Variants in DNAH10 observed in about 807,000 individuals in gnomAD.
DNAH10 encodes the protein axonemal beta dynein heavy chain 10.
In DNAH10, 348 loss-of-function variants were observed where a neutral mutation model predicts 506.6. The ratio of observed to expected loss-of-function variants is 0.69; its 90% CI spans 0.63 to 0.75. The LOEUF (loss-of-function observed/expected upper bound fraction) is 0.75, where lower values mean the gene tolerates loss of function less well. Among genes scored for constraint, DNAH10 ranks in the 30% least tolerant of loss-of-function variants. The pLI is 0.00. For missense variants in DNAH10, 5,179 were observed against 5,787.1 expected, an observed-to-expected ratio of 0.89 and a Z score of 3.41; for synonymous variants, 2,059 against 2,198.6, an observed-to-expected ratio of 0.94 and a Z score of 1.78.
Position 123,796,220 on chromosome 12 carries a change from C to G in DNAH10, c.1987-436C>G, listed in dbSNP as rs189198840. ...GCCTGTCCTCGCAGCACTTTGGGACCCTGAGGTGGGCAGATCACCTGAGGT... is the reference window on the plus strand; with the variant it reads ...GCCTGTCCTCGCAGCACTTTGGGACGCTGAGGTGGGCAGATCACCTGAGGT... On this transcript the variant is annotated intron_variant, in intron 12 of 78. Transcript: ENST00000673944. Among the ~76,000 whole-genome samples the G allele has an allele frequency of 2.0e-5, 3 of 152,066 alleles. No homozygotes were observed. In the East Asian group the frequency reaches 5.8e-4, roughly 29 times the overall value.
At position 123,913,054 on chromosome 12, in the gene DNAH10, C is replaced by T; in HGVS notation, c.10135-44C>T. On this transcript the variant is annotated intron_variant, in intron 59 of 78. Coordinates refer to ENST00000673944, the MANE Select transcript of DNAH10 (RefSeq NM_001372106.1). This position sits in a 1 kb window ranked among gnomAD's most constrained non-coding sequence, Gnocchi z 5.1. ...TTGAGGCCATGGGATCGCGGCCCCACCACGGTCCTTTTCCCCATCTTTTTG... is the reference window on the plus strand; with the variant it reads ...TTGAGGCCATGGGATCGCGGCCCCATCACGGTCCTTTTCCCCATCTTTTTG... 9 of 1,557,404 alleles carry T rather than the reference C, an allele frequency of 5.8e-6. No individual in the cohort carries two copies. The highest frequency in any genetic ancestry group is 7.8e-6 in the Non-Finnish European group (9 of 1,149,034).
intron 65 of DNAH10, among the ~76,000 whole-genome samples, chr12:123,921,194 G>A (rs2137574205): frequency 6.6e-6 from 1 of 152,310 alleles, no homozygotes; most frequent in South Asian, 2.1e-4. Context: ...GCCAATACAT[G>A]TAGTTCTTTT....
At chr12:123,840,615 T>C (rs1005363901) in intron 29 of DNAH10, among the ~76,000 whole-genome samples, 1 of 152,072 alleles carries the variant, frequency 6.6e-6, no homozygotes, top group African/African-American at 2.4e-5. Flanking sequence ...TGTAGAAAAA[T>C]ACAGTGTTAG....
intron 43 of DNAH10, among the ~76,000 whole-genome samples, chr12:123,869,422 G>C (rs1295822869): frequency 6.6e-6 from 1 of 151,918 alleles, no homozygotes; most frequent in African/African-American, 2.4e-5. Flanking sequence ...ACAGGGAGAA[G>C]ACCATGCAGC....
Position 123,903,933 on chromosome 12 carries a change from G to C in DNAH10, c.9815+820G>C, listed in dbSNP as rs766362445. ...CTTCCTGGCCCCACACACGGGTCTC[G>C]CAGCCGAGAGGCTCCGTTCCTGGGT... On this transcript the variant is annotated intron_variant, in intron 57 of 78. Transcript: ENST00000673944. This position sits in a 1 kb window ranked among gnomAD's most constrained non-coding sequence, Gnocchi z 4.6. Among the ~76,000 whole-genome samples the C allele has an allele frequency of 6.6e-6, 1 of 152,286 alleles. No individual in the cohort carries two copies. The highest frequency in any genetic ancestry group is 2.4e-5 in the African/African-American group (1 of 41,558).
At chr12:123,845,540 T>C in intron 30 of DNAH10, 60 bp from the exon 31 acceptor site, 2 of 1,583,330 alleles carry the variant, frequency 1.3e-6, no homozygotes, top group Non-Finnish European at 1.7e-6. Flanking sequence ...CTGAAGGGAC[T>C]GTTTTGGGTA....
intron 59 of DNAH10, among the ~76,000 whole-genome samples, chr12:123,912,398 TG>T (rs1181761994): frequency 1.1e-4 from 4 of 36,136 alleles, no homozygotes; most frequent in East Asian, 8.1e-4. Flanking sequence ...GGGTCTGTCC[TG>T]GGGGGGGTCT....
chr12:123,796,859 C>A lies in DNAH10; in HGVS notation c.2163+27C>A, dbSNP rs753035552. ...TATGTTGCTCTTGCTAGAATTGGCT[C>A]CTTTTGTATTTGATTTTTTTTTTTT... On this transcript the variant is annotated intron_variant, in intron 13 of 78. Coordinates refer to ENST00000673944, the MANE Select transcript of DNAH10 (RefSeq NM_001372106.1). 2.6e-6 allele frequency: 4 copies of A among 1,551,282 alleles called. No individual in the cohort carries two copies. In the Admixed American group the frequency reaches 8.3e-5, roughly 32 times the overall value.
chr12:123,842,166 A>G (rs1342376039), intron 30 of DNAH10, among the ~76,000 whole-genome samples: 1 of 152,176 alleles, frequency 6.6e-6, no homozygotes, highest in East Asian at 1.9e-4. Context: ...GTGGGGCCTG[A>G]GGATTTGTGT....
intron 11 of DNAH10, 115 bp downstream of exon 11, chr12:123,790,236 C>A: frequency 2.0e-6 from 2 of 998,308 alleles, no homozygotes; most frequent in Non-Finnish European, 3.0e-6. Context: ...ACAAGTAATA[C>A]CTGCTTATTA....
chr12:123,785,857 A>G lies in DNAH10; in HGVS notation c.1342A>G (p.Met448Val), dbSNP rs1476827259. ...ISRHYNKDER[M>V]IPLMERIAWE... ...CCGACACTACAACAAAGACGAGAGG[A>G]TGATTCCGCTCATGGAGCGCATCGC... Residue 448 changes from methionine to valine, a missense_variant, in exon 9 of 79, where the codon ATG (methionine) becomes GTG (valine). Met to Val is a conservative substitution (Grantham distance 21). This residue lies in a region of DNAH10 where 4,844 missense variants were observed against 5,430.5 expected (regional missense o/e 0.89). Coordinates refer to ENST00000673944, the MANE Select transcript of DNAH10 (RefSeq NM_001372106.1). This position sits in a 1 kb window ranked among gnomAD's most constrained non-coding sequence, Gnocchi z 4.1. The G allele has an allele frequency of 1.9e-6, 3 of 1,614,048 alleles. No homozygotes were observed. Among genetic ancestry groups the G allele is most frequent in the African/African-American group, 1.3e-5 (1 of 74,922 alleles).
rs764766762 is a variant in DNAH10 at position 123,861,167 on chromosome 12, G to A, written c.6905G>A (p.Arg2302Gln). The change falls in exon 39 of 79, where the codon CGA (arginine) becomes CAA (glutamine). Residue 2302 changes from arginine to glutamine, a missense_variant. Physicochemically the swap from Arg to Gln is conservative, Grantham distance 43. This residue lies in a region of DNAH10 where 4,844 missense variants were observed against 5,430.5 expected (regional missense o/e 0.89). Transcript: ENST00000673944. ...AACAAGCCAACAGACAAGAAGGAGCGAAAGTGAGTATCTTTGTAGGTAGGA... is the reference window on the plus strand; with the variant it reads ...AACAAGCCAACAGACAAGAAGGAGCAAAAGTGAGTATCTTTGTAGGTAGGA... The part of the protein sequence containing the change: ...EINKPTDKKE[R>Q]KYILFDGDVD... 1.5e-5 allele frequency: 24 copies of A among 1,613,546 alleles called. No homozygotes were observed. The highest frequency in any genetic ancestry group is 5.5e-5 in the South Asian group (5 of 91,008).
At chr12:123,906,403 G>A (rs770342449) in intron 57 of DNAH10, among the ~76,000 whole-genome samples, 10 of 151,572 alleles carry the variant, frequency 6.6e-5, no homozygotes, top group Non-Finnish European at 1.0e-4. Context: ...CACCATGCCC[G>A]GCTAATGTTT....
In DNAH10 at chr12:123,785,603, C is replaced by T. The variant is rs913112507; in HGVS notation, c.1231-143C>T. The stretch of plus-strand genomic sequence containing the variant: ...GCAGTAAGCCATGTTTGTGCCATTG[C>T]ACTCCAGCCTGGGCACCAGACTTGG... On this transcript the variant is annotated intron_variant, in intron 8 of 78. Transcript: ENST00000673944. The surrounding 1 kb of genome is among the most constrained non-coding windows in gnomAD (Gnocchi z 4.1). 2.7e-6 allele frequency: 2 copies of T among 732,012 alleles called. No homozygotes were observed. Among genetic ancestry groups the T allele is most frequent in the Non-Finnish European group, 4.1e-6 (2 of 488,630 alleles). 45.3% of individuals were successfully genotyped at this position (732,012 alleles called of 1,614,324 possible). A position where few individuals can be genotyped will look rare whatever the true frequency, so the allele number is the denominator to read the frequency against.
Position 123,775,299 on chromosome 12 carries a change from G to C in DNAH10, c.621+1035G>C, listed in dbSNP as rs559611927. ...CATTTTTGTACTTATTGTAGAGACAGGGTCTCACCATGTTGCCTAGGCTGG... is the reference window on the plus strand; with the variant it reads ...CATTTTTGTACTTATTGTAGAGACACGGTCTCACCATGTTGCCTAGGCTGG... On this transcript the variant is annotated intron_variant, in intron 5 of 78. Coordinates refer to ENST00000673944, the MANE Select transcript of DNAH10 (RefSeq NM_001372106.1). Among the ~76,000 whole-genome samples the C allele has an allele frequency of 8.5e-5, 13 of 152,192 alleles. 1 individual carries two copies. In the South Asian group the frequency reaches 2.7e-3, roughly 32 times the overall value.
At chr12:123,932,202 A>G (rs1019888801) in intron 76 of DNAH10, 94 bp downstream of exon 76, 3 of 1,466,376 alleles carry the variant, frequency 2.0e-6, no homozygotes, top group Admixed American at 4.0e-5. Flanking sequence ...ATTGCCCAGC[A>G]GTAACCTCTG....
intron 39 of DNAH10, among the ~76,000 whole-genome samples, chr12:123,861,862 G>A (rs150510841): frequency 7.4e-4 from 112 of 152,320 alleles, no homozygotes; most frequent in African/African-American, 2.5e-3. Context: ...GCTTCTTAGC[G>A]CTTTTCCCCT....
At chr12:123,788,845 G>C (rs1358378508) in intron 10 of DNAH10, among the ~76,000 whole-genome samples, 1 of 82,128 alleles carries the variant, frequency 1.2e-5, no homozygotes, top group African/African-American at 5.6e-5. Flanking sequence ...ACGTTGGCTT[G>C]AGCCTGGGAG....
chr12:123,790,631 A>G (rs1277335043), intron 11 of DNAH10, among the ~76,000 whole-genome samples: 2 of 152,180 alleles, frequency 1.3e-5, no homozygotes, highest in East Asian at 1.9e-4. Flanking sequence ...GGTGACAGAC[A>G]TGAGAAAAAC....
Sources: gnomAD v4.1 joint callset for allele counts (sites outside exome capture counted in the v4.1 genomes callset) on GRCh38, gnomAD v4.1.1 for gene constraint, gnomAD v4.1.1 regional missense constraint, Gnocchi (gnomAD v3.1) non-coding constraint, MANE v1.5 for transcripts, NCBI Gene and HGNC (gene_info 2026-07-23, HGNC 2026-07-21) for gene names.